Variants in GRIP2 observed in about 807,000 individuals in gnomAD.
The protein encoded by GRIP2 is glutamate receptor interacting protein 2, also known as glutamate receptor-interacting protein 2.
GRIP2 carries 58 observed loss-of-function variants against 108.3 expected under a neutral mutation model. The ratio of observed to expected loss-of-function variants is 0.54; its 90% CI spans 0.43 to 0.67. The LOEUF is 0.67. GRIP2 is among the 30% of genes least tolerant of loss of function. The pLI is 0.00. For synonymous variants in GRIP2, 586 were observed against 598.2 expected (o/e 0.98, Z 0.30); for missense variants, 1,278 against 1,430.6 (o/e 0.89, Z 1.72).
chr3:14,529,159 G>T (rs1347666277), intron 1 of GRIP2, among the ~76,000 whole-genome samples: 1 of 151,492 alleles, frequency 6.6e-6, no homozygotes, highest in Admixed American at 6.6e-5. Context: ...GGCGCCTGTA[G>T]TCCCAGCTAC....
intron 23 of GRIP2, among the ~76,000 whole-genome samples, chr3:14,494,103 C>A (rs989692970): frequency 6.6e-6 from 1 of 152,232 alleles, no homozygotes; most frequent in Non-Finnish European, 1.5e-5. Context: ...AAAGAGCAGA[C>A]CACACACTCA....
intron 21 of GRIP2, among the ~76,000 whole-genome samples, chr3:14,497,010 G>A (rs890827696): frequency 1.1e-4 from 17 of 147,890 alleles, no homozygotes; most frequent in African/African-American, 3.8e-4. Flanking sequence ...TGCCCAGGCT[G>A]GAATGCAATG....
chr3:14,527,489 T>C (rs1694592439), intron 1 of GRIP2, among the ~76,000 whole-genome samples: 1 of 152,002 alleles, frequency 6.6e-6, no homozygotes, highest in Non-Finnish European at 1.5e-5. Flanking sequence ...GGAAAATTCT[T>C]GGCCCCAACC....
rs138317005 is a variant in GRIP2 at position 14,527,531 on chromosome 3, G to A, written c.41-1600C>T. The stretch of plus-strand genomic sequence containing the variant: ...TGAAAAAGGAAACACCCTGGGGGTG[G>A]GCTCCAGGAATCTGTATGTGTGTGT... On this transcript the variant is annotated intron_variant, in intron 1 of 23. Coordinates refer to ENST00000621039, the MANE Select transcript of GRIP2 (RefSeq NM_001080423.4). Among the ~76,000 whole-genome samples, 1,345 of 152,148 alleles carry A rather than the reference G, an allele frequency of 8.8e-3. 7 individuals carry two copies. Among genetic ancestry groups the A allele is most frequent in the Middle Eastern group, 0.014 (4 of 294 alleles).
chr3:14,535,584 C>T (rs955186627), intron 1 of GRIP2, among the ~76,000 whole-genome samples: 2 of 152,194 alleles, frequency 1.3e-5, no homozygotes, highest in African/African-American at 4.8e-5. Flanking sequence ...AATCATGATT[C>T]TCATTTTACA....
the GRIP2 span, among the ~76,000 whole-genome samples, chr3:14,593,617 C>T: frequency 6.6e-6 from 1 of 152,212 alleles, no homozygotes; most frequent in South Asian, 2.1e-4. Context: ...GTTCACGAGG[C>T]GCAGGCCATC....
chr3:14,602,141 C>T, the GRIP2 span: 2 of 152,176 alleles, frequency 1.3e-5, no homozygotes, highest in Non-Finnish European at 2.9e-5. This position sits in a 1 kb window ranked among gnomAD's most constrained non-coding sequence, Gnocchi z 4.7. Context: ...ACCCTGCCCC[C>T]GACTCCCAGT....
chr3:14,549,009 C>T (rs140168945), intron 1 of GRIP2, among the ~76,000 whole-genome samples: 251 of 152,330 alleles, frequency 1.6e-3, no homozygotes, highest in African/African-American at 5.8e-3. Flanking sequence ...TCCTCCAATG[C>T]CTTTCCTCTC....
At position 14,512,646 on chromosome 3, in the gene GRIP2, C is replaced by A; in HGVS notation, c.1720+131G>T. On this transcript the variant is annotated intron_variant, in intron 14 of 23. Transcript: ENST00000621039. This position sits in a 1 kb window ranked among gnomAD's most constrained non-coding sequence, Gnocchi z 5.1. ...GGGTCCACGGAAGCCAGCCTCCCCACACCCCCAAGCCTTTTCCTCGGGCCC... is the reference window on the plus strand; with the variant it reads ...GGGTCCACGGAAGCCAGCCTCCCCAAACCCCCAAGCCTTTTCCTCGGGCCC... 2.5e-6 allele frequency: 2 copies of A among 801,890 alleles called. No individual in the cohort carries two copies. Among genetic ancestry groups the A allele is most frequent in the South Asian group, 1.8e-5 (1 of 55,984 alleles). The allele number at this position is 801,890 out of a possible 1,614,324, so 49.7% of individuals were successfully genotyped here.
At chr3:14,547,032 C>G (rs545144768), upstream of GRIP2, among the ~76,000 whole-genome samples, 3 of 152,168 alleles carry the variant, frequency 2.0e-5, no homozygotes, top group African/African-American at 7.2e-5. Context: ...GTAAAGGTGA[C>G]CTGGGACTCC....
chr3:14,496,396 G>C (rs762782246), intron 22 of GRIP2, 21 bp downstream of exon 22: 1 of 1,594,528 alleles, frequency 6.3e-7, no homozygotes, highest in Non-Finnish European at 8.6e-7. Context: ...CAGGTCTCCT[G>C]TGCTCACCCC....
chr3:14,567,401 A>C, the GRIP2 span, among the ~76,000 whole-genome samples: 3 of 152,130 alleles, frequency 2.0e-5, no homozygotes, highest in Non-Finnish European at 2.9e-5. Flanking sequence ...GGGACCCTGC[A>C]TGCCTCTGGG....
At chr3:14,592,168 C>A in the GRIP2 span, among the ~76,000 whole-genome samples, 1 of 152,250 alleles carries the variant, frequency 6.6e-6, no homozygotes, top group Non-Finnish European at 1.5e-5. Context: ...TCGGGCCTGT[C>A]CTAGCTGCTC....
intron 1 of GRIP2, among the ~76,000 whole-genome samples, chr3:14,551,588 G>A (rs1403110373): frequency 1.3e-5 from 2 of 152,162 alleles, no homozygotes; most frequent in Non-Finnish European, 2.9e-5. Flanking sequence ...GAGAGGCATC[G>A]CTGTTTCTGC....
intron 11 of GRIP2, 28 bp downstream of exon 11, chr3:14,517,036 A>G (rs766461397): frequency 6.7e-7 from 1 of 1,491,596 alleles, no homozygotes; most frequent in Non-Finnish European, 8.9e-7. Context: ...CAAGCAGCCC[A>G]AGGAGGAGGG....
At chr3:14,570,131 G>A in the GRIP2 span, among the ~76,000 whole-genome samples, 1 of 152,206 alleles carries the variant, frequency 6.6e-6, no homozygotes, top group Non-Finnish European at 1.5e-5. Flanking sequence ...GAAGGATGCG[G>A]GAAACATGCC....
At chr3:14,580,530 T>C in the GRIP2 span, among the ~76,000 whole-genome samples, 2 of 152,098 alleles carry the variant, frequency 1.3e-5, no homozygotes, top group African/African-American at 4.8e-5. Context: ...ACCTTGTCTC[T>C]ACAAAAAATA....
intron 11 of GRIP2, among the ~76,000 whole-genome samples, chr3:14,516,173 A>T (rs908018126): frequency 1.3e-5 from 2 of 152,168 alleles, no homozygotes; most frequent in African/African-American, 4.8e-5. Flanking sequence ...TTTGGTGGCC[A>T]GGAAAGGTGG....
chr3:14,497,510 G>A (rs1693644665), intron 21 of GRIP2, among the ~76,000 whole-genome samples: 1 of 152,152 alleles, frequency 6.6e-6, no homozygotes, highest in Admixed American at 6.5e-5. Flanking sequence ...CCTGTGGTGG[G>A]GGGATCTGGA....
Sources: gnomAD v4.1 joint callset for allele counts (sites outside exome capture counted in the v4.1 genomes callset) on GRCh38, gnomAD v4.1.1 for gene constraint, Gnocchi (gnomAD v3.1) non-coding constraint, MANE v1.5 for transcripts, NCBI Gene and HGNC (gene_info 2026-07-23, HGNC 2026-07-21) for gene names.